Variants in NOL4 observed in about 807,000 individuals in gnomAD.
NOL4 encodes nucleolar protein 4, also known as cancer/testis antigen 125.
NOL4 carries 17 observed loss-of-function variants against 75.9 expected under a neutral mutation model. The observed-to-expected ratio is 0.22, with a 90% confidence interval of 0.15 to 0.34. NOL4 has a LOEUF of 0.34. Among genes scored for constraint, NOL4 ranks in the 10% least tolerant of loss-of-function variants. The pLI is 1.00. For synonymous variants in NOL4, 292 were observed against 289.9 expected, an observed-to-expected ratio of 1.01 and a Z score of -0.07; for missense variants, 614 against 793.5, an observed-to-expected ratio of 0.77 and a Z score of 2.72.
chr18:34,105,005 T>A, intron 3 of NOL4, 44 bp downstream of exon 3: 1 of 1,209,064 alleles, frequency 8.3e-7, no homozygotes, highest in Non-Finnish European at 1.2e-6. Flanking sequence ...ATGGCCATTA[T>A]GAATAAAATT....
intron 9 of NOL4, among the ~76,000 whole-genome samples, chr18:33,918,286 G>C (rs1229876014): frequency 6.6e-6 from 1 of 152,150 alleles, no homozygotes; most frequent in Non-Finnish European, 1.5e-5. Context: ...CACACAAAAT[G>C]TTGAAATTTT....
chr18:33,891,043 GAA>G (rs2144817650), intron 9 of NOL4, among the ~76,000 whole-genome samples: 1 of 151,364 alleles, frequency 6.6e-6, no homozygotes, highest in East Asian at 1.9e-4. Flanking sequence ...TCTGGAGAAA[GAA>G]ATTTATATAA....
At chr18:33,937,430 T>C (rs2068130564) in intron 9 of NOL4, among the ~76,000 whole-genome samples, 1 of 152,182 alleles carries the variant, frequency 6.6e-6, no homozygotes, top group African/African-American at 2.4e-5. Flanking sequence ...GGCTAACCAC[T>C]GGCAGCAAGC....
intron 1 of NOL4, among the ~76,000 whole-genome samples, chr18:34,177,951 A>G (rs1042413944): frequency 6.6e-6 from 1 of 151,890 alleles, no homozygotes; most frequent in Admixed American, 6.6e-5. Flanking sequence ...CCACACAGAT[A>G]AGTATATGAA....
intron 8 of NOL4, among the ~76,000 whole-genome samples, chr18:33,955,257 T>C (rs1486820174): frequency 6.6e-6 from 1 of 152,062 alleles, no homozygotes; most frequent in Non-Finnish European, 1.5e-5. Context: ...TTCTATTTGT[T>C]AAAAAGTTAA....
chr18:34,163,053 A>G (rs1476438743), intron 1 of NOL4, among the ~76,000 whole-genome samples: 1 of 152,250 alleles, frequency 6.6e-6, no homozygotes, highest in Non-Finnish European at 1.5e-5. Context: ...CTTCATGCTA[A>G]AAACTCTCAA....
chr18:34,006,565 T>C (rs536756815), intron 6 of NOL4, among the ~76,000 whole-genome samples: 1 of 152,124 alleles, frequency 6.6e-6, no homozygotes, highest in South Asian at 2.1e-4. Context: ...GAACAGACAC[T>C]CTAGATATGA....
intron 10 of NOL4, among the ~76,000 whole-genome samples, chr18:33,882,338 T>A (rs1166067506): frequency 6.6e-6 from 1 of 151,832 alleles, no homozygotes. Flanking sequence ...GAATCTACAA[T>A]GAACTCAAAC....
At chr18:34,073,098 C>A (rs2077590829) in intron 5 of NOL4, among the ~76,000 whole-genome samples, 1 of 151,946 alleles carries the variant, frequency 6.6e-6, no homozygotes, top group African/African-American at 2.4e-5. Context: ...ACAAAACATA[C>A]AAAATACAGA....
At chr18:34,044,911 G>A (rs1295734530) in intron 5 of NOL4, among the ~76,000 whole-genome samples, 1 of 152,106 alleles carries the variant, frequency 6.6e-6, no homozygotes, top group African/African-American at 2.4e-5. Context: ...TATAGTCTGT[G>A]CTTACTTTAT....
intron 1 of NOL4, among the ~76,000 whole-genome samples, chr18:34,207,434 A>T (rs2036200438): frequency 6.6e-6 from 1 of 152,184 alleles, no homozygotes; most frequent in Non-Finnish European, 1.5e-5. Context: ...TTCAGTTTTT[A>T]AATTTTGATA....
chr18:34,113,638 T>TA lies in NOL4; in HGVS notation c.415-8479dup, dbSNP rs10716930. On this transcript the variant is annotated intron_variant, in intron 2 of 10. Transcript: ENST00000261592. ...GGTAGCAGGGTGAGACAGTGCCTCT[T>TA]AAAAAAAAAAAATTAAAACAGTGTC... is the stretch of plus-strand genomic sequence containing the variant. Among the ~76,000 whole-genome samples, 684 of 148,570 alleles carry TA rather than the reference T, an allele frequency of 4.6e-3. 6 individuals are homozygous for TA. The highest frequency in any genetic ancestry group is 3.8e-3 in the Non-Finnish European group (252 of 66,958).
chr18:34,088,714 TA>T (rs961891619), intron 5 of NOL4, among the ~76,000 whole-genome samples: 141 of 151,508 alleles, frequency 9.3e-4, no homozygotes, highest in African/African-American at 2.6e-3. Context: ...TTTAAGTCTG[TA>T]AAAAAAAATT....
At chr18:33,906,094 C>T (rs1452642) in intron 9 of NOL4, among the ~76,000 whole-genome samples, 25,067 of 152,118 alleles carry the variant, frequency 0.16, 2,204 homozygotes, top group African/African-American at 0.2. Context: ...AAGCTAACTA[C>T]GAGAGGAATT....
chr18:34,003,323 G>A (rs1473030249), intron 6 of NOL4, among the ~76,000 whole-genome samples: 1 of 151,928 alleles, frequency 6.6e-6, no homozygotes, highest in Non-Finnish European at 1.5e-5. Context: ...CTTTTATAGG[G>A]TAGCAACTGC....
chr18:33,940,723 C>T (rs182554094), intron 9 of NOL4, among the ~76,000 whole-genome samples: 50 of 151,058 alleles, frequency 3.3e-4, no homozygotes, highest in Admixed American at 2.1e-3. Context: ...AAAACAAAAA[C>T]GGGGGAAAAA....
At chr18:34,044,747 G>A (rs532348513) in intron 5 of NOL4, among the ~76,000 whole-genome samples, 2 of 152,222 alleles carry the variant, frequency 1.3e-5, no homozygotes, top group East Asian at 3.9e-4. Flanking sequence ...AACTTAAGAT[G>A]TCTAAAATCA....
intron 1 of NOL4, among the ~76,000 whole-genome samples, chr18:34,195,028 C>A (rs199784682): frequency 2.8e-4 from 37 of 131,886 alleles, no homozygotes; most frequent in Admixed American, 4.5e-4. Context: ...AACTCCGTCT[C>A]AAAAAAAAAA....
Position 33,883,414 on chromosome 18 carries a change from G to A in NOL4, c.1553C>T (p.Ala518Val), listed in dbSNP as rs1172715800. 1.2e-6 allele frequency: 2 copies of A among 1,606,832 alleles called. No individual in the cohort carries two copies. Among genetic ancestry groups the A allele is most frequent in the Non-Finnish European group, 8.5e-7 (1 of 1,177,526 alleles). Reference protein sequence around the residue: ...MRLERQQDESAPADKQCKPEA... With the variant: ...MRLERQQDESVPADKQCKPEA... ...TGGTTTACACTGTTTGTCAGCTGGA[G>A]CAGACTCATCCTGCAAGGACAGACA... Residue 518 changes from alanine to valine, a missense_variant, in exon 10 of 11, where the codon GCT becomes GTT. This residue lies in a region of NOL4 where 128 missense variants were observed against 159.9 expected (regional missense o/e 0.80). Transcript: ENST00000261592.
Sources: allele counts gnomAD v4.1 joint callset (sites outside exome capture counted in the v4.1 genomes callset), GRCh38; gene constraint gnomAD v4.1.1; regional missense constraint gnomAD v4.1.1; transcripts MANE v1.5; gene names NCBI Gene and HGNC (gene_info 2026-07-23, HGNC 2026-07-21).